SPRED2: variants seen among roughly 807,000 people sequenced by gnomAD.
The protein encoded by SPRED2 is sprouty related EVH1 domain containing 2, also known as sprouty-related, EVH1 domain-containing protein 2.
Under a neutral mutation model 43.0 loss-of-function variants are expected in SPRED2, and 47 were observed. The ratio of observed to expected loss-of-function variants is 1.09; its 90% confidence interval spans 0.87 to 1.40. The LOEUF is 1.40. Ranked by LOEUF, SPRED2 falls within the 40% of genes most tolerant of loss-of-function variation. SPRED2 has a pLI of 0.00. For missense variants in SPRED2, 561 were observed against 586.4 expected, an observed-to-expected ratio of 0.96 and a Z score of 0.45; for synonymous variants, 225 against 225.7, an observed-to-expected ratio of 1.00 and a Z score of 0.03.
intron 1 of SPRED2, among the ~76,000 whole-genome samples, chr2:65,397,458 A>G (rs1478509991): frequency 6.6e-6 from 1 of 152,162 alleles, no homozygotes; most frequent in African/African-American, 2.4e-5. Context: ...CACTCAAAGC[A>G]AAGCTCAATT....
At chr2:65,322,290 A>ATATC (rs1553415722) in intron 4 of SPRED2, among the ~76,000 whole-genome samples, 17 of 78,950 alleles carry the variant, frequency 2.2e-4, no homozygotes, top group African/African-American at 9.8e-4. Flanking sequence ...ATATATATAT[A>ATATC]TATATTTTTT....
chr2:65,311,492 C>T lies in SPRED2; in HGVS notation c.*2009G>A. The T allele has an allele frequency of 2.0e-6, 2 of 985,698 alleles. No individual in the cohort carries two copies. Among genetic ancestry groups the T allele is most frequent in the East Asian group, 1.1e-4 (1 of 8,828 alleles). 61.1% of individuals were successfully genotyped at this position (985,698 alleles called of 1,614,324 possible). ...TAAATAGGGGCACTTGAACTGAGGTCTAAGGAAACGAACATTAGTGTTGTG... is the reference window on the plus strand; with the variant it reads ...TAAATAGGGGCACTTGAACTGAGGTTTAAGGAAACGAACATTAGTGTTGTG... On this transcript the variant is annotated 3_prime_UTR_variant, in exon 6 of 6. Transcript: ENST00000356388.
At chr2:65,358,175 G>C (rs1674711863) in intron 1 of SPRED2, among the ~76,000 whole-genome samples, 1 of 152,168 alleles carries the variant, frequency 6.6e-6, no homozygotes, top group South Asian at 2.1e-4. Flanking sequence ...TGTTCTCTCA[G>C]TGCCAGTGTT....
At chr2:65,403,141 C>G (rs568617455) in intron 1 of SPRED2, among the ~76,000 whole-genome samples, 4 of 152,166 alleles carry the variant, frequency 2.6e-5, no homozygotes, top group African/African-American at 4.8e-5. Flanking sequence ...AGCTCAGGAC[C>G]GGCTATAAAC....
chr2:65,332,905 T>C (rs1416745406), intron 3 of SPRED2, among the ~76,000 whole-genome samples: 1 of 152,224 alleles, frequency 6.6e-6, no homozygotes, highest in Non-Finnish European at 1.5e-5. Context: ...GTGACAGATA[T>C]ACCAAAAGGG....
chr2:65,427,878 C>A (rs2028150), intron 1 of SPRED2, among the ~76,000 whole-genome samples: 1 of 152,102 alleles, frequency 6.6e-6, no homozygotes, highest in Admixed American at 6.5e-5. Flanking sequence ...CTGGAGTGCT[C>A]CATTCCCAGC....
At chr2:65,316,380 C>T (rs1380623277) in intron 5 of SPRED2, among the ~76,000 whole-genome samples, 2 of 152,246 alleles carry the variant, frequency 1.3e-5, no homozygotes, top group Non-Finnish European at 2.9e-5. Flanking sequence ...GTGTAGCCCC[C>T]TGGGTGAGAA....
rs142349099 is a variant in SPRED2 at position 65,315,962 on chromosome 2, A to C, written c.588+772T>G. The stretch of plus-strand genomic sequence containing the variant: ...CATGAGCCACTGCACCTGGCCAATA[A>C]TGTGATTTTTAAATAGGACATTTTA... On this transcript the variant is annotated intron_variant, in intron 5 of 5. Transcript: ENST00000356388. 4.5e-3 allele frequency among the ~76,000 whole-genome samples: 687 copies of C among 152,340 alleles called. 3 individuals are homozygous for C. The highest frequency in any genetic ancestry group is 0.016 in the African/African-American group (655 of 41,586).
intron 4 of SPRED2, among the ~76,000 whole-genome samples, 198 bp from the exon 5 acceptor site, chr2:65,317,081 G>T (rs915960742): frequency 6.6e-6 from 1 of 152,190 alleles, no homozygotes; most frequent in African/African-American, 2.4e-5. Context: ...CAATGTGGCT[G>T]GTTCAACAGG....
intron 1 of SPRED2, among the ~76,000 whole-genome samples, chr2:65,418,868 C>T (rs916584467): frequency 1.7e-4 from 22 of 127,680 alleles, no homozygotes; most frequent in Non-Finnish European, 3.5e-4. Context: ...AATTTCTTAT[C>T]ATTTTTTTTT....
chr2:65,351,952 G>A (rs189473507), intron 1 of SPRED2, among the ~76,000 whole-genome samples: 32 of 152,274 alleles, frequency 2.1e-4, no homozygotes, highest in Middle Eastern at 3.4e-3. Flanking sequence ...TTAACATAAC[G>A]TAATTTTATG....
intron 1 of SPRED2, among the ~76,000 whole-genome samples, chr2:65,405,130 T>C (rs1320267423): frequency 1.3e-5 from 2 of 152,262 alleles, no homozygotes; most frequent in Non-Finnish European, 2.9e-5. Context: ...TGTATATACA[T>C]CAGCCCATTT....
intron 4 of SPRED2, among the ~76,000 whole-genome samples, chr2:65,322,229 C>CCTCTCTCTCTCTCT (rs71905140): frequency 1.6e-5 from 1 of 61,294 alleles, no homozygotes; most frequent in Non-Finnish European, 2.8e-5. Flanking sequence ...GGTCTCCTTT[C>CCTCTCTCTCTCTCT]CTCTCTCTCT....
intron 4 of SPRED2, among the ~76,000 whole-genome samples, chr2:65,327,885 G>C (rs1350835496): frequency 7.3e-5 from 11 of 151,674 alleles, no homozygotes; most frequent in Non-Finnish European, 1.0e-4. Flanking sequence ...CATCATGCCT[G>C]GCTAATTTTT....
intron 1 of SPRED2, among the ~76,000 whole-genome samples, chr2:65,387,283 T>C (rs1675524222): frequency 6.6e-6 from 1 of 152,246 alleles, no homozygotes; most frequent in African/African-American, 2.4e-5. Flanking sequence ...ACTGCCGCTC[T>C]CGCACTTTCT....
At chr2:65,354,931 T>C (rs1485803035) in intron 1 of SPRED2, among the ~76,000 whole-genome samples, 2 of 152,218 alleles carry the variant, frequency 1.3e-5, no homozygotes, top group Non-Finnish European at 2.9e-5. Flanking sequence ...CAATATGTTC[T>C]TCTTGTGCAA....
At chr2:65,423,209 A>T (rs1414159237) in intron 1 of SPRED2, among the ~76,000 whole-genome samples, 1 of 152,186 alleles carries the variant, frequency 6.6e-6, no homozygotes, top group Non-Finnish European at 1.5e-5. Flanking sequence ...GGTCAGTCCC[A>T]CCCATCCACA....
chr2:65,408,590 GTTCT>G (rs948972731), intron 1 of SPRED2, among the ~76,000 whole-genome samples: 6 of 151,324 alleles, frequency 4.0e-5, no homozygotes, highest in Admixed American at 3.9e-4. Flanking sequence ...GACTTTTGAA[GTTCT>G]TTTTTTTTTT....
At chr2:65,398,057 C>A (rs1675799160) in intron 1 of SPRED2, among the ~76,000 whole-genome samples, 1 of 152,184 alleles carries the variant, frequency 6.6e-6, no homozygotes. Context: ...ACCAATGGAA[C>A]AGAATAGAGA....
Sources: allele counts gnomAD v4.1 joint callset (sites outside exome capture counted in the v4.1 genomes callset), GRCh38; gene constraint gnomAD v4.1.1; transcripts MANE v1.5; gene names NCBI Gene and HGNC (gene_info 2026-07-23, HGNC 2026-07-21).